ENTREP2: variants seen among roughly 807,000 people sequenced by gnomAD.
ENTREP2 encodes protein ENTREP2.
the ENTREP2 span, among the ~76,000 whole-genome samples, chr15:29,189,783 T>A: frequency 3.9e-5 from 6 of 152,326 alleles, no homozygotes; most frequent in Admixed American, 2.0e-4. Context: ...TGTCACAGTC[T>A]TGCGCTGGGT....
At chr15:29,431,971 A>G in the ENTREP2 span, among the ~76,000 whole-genome samples, 3 of 152,184 alleles carry the variant, frequency 2.0e-5, no homozygotes, top group Non-Finnish European at 4.4e-5. Flanking sequence ...TGAACAGGCT[A>G]TTTTGATAGT....
the ENTREP2 span, among the ~76,000 whole-genome samples, chr15:29,446,085 T>C: frequency 6.6e-6 from 1 of 152,202 alleles, no homozygotes; most frequent in Non-Finnish European, 1.5e-5. Flanking sequence ...AGAGAGCTAG[T>C]TCGCCCCTTC....
At chr15:29,564,862 G>A in the ENTREP2 span, among the ~76,000 whole-genome samples, 8 of 152,238 alleles carry the variant, frequency 5.3e-5, no homozygotes, top group East Asian at 1.2e-3. Flanking sequence ...TATCCTCTTT[G>A]AGCTTTATCT....
At chr15:29,259,622 T>G in the ENTREP2 span, among the ~76,000 whole-genome samples, 2 of 152,072 alleles carry the variant, frequency 1.3e-5, no homozygotes, top group Non-Finnish European at 2.9e-5. Flanking sequence ...CTTCCTTGAC[T>G]TTACTAACCA....
chr15:29,137,523 C>A, the ENTREP2 span, among the ~76,000 whole-genome samples: 2 of 152,130 alleles, frequency 1.3e-5, no homozygotes, highest in East Asian at 3.9e-4. Flanking sequence ...CGGAAGGCTG[C>A]CTGACGTGCG....
At chr15:29,400,282 T>C in the ENTREP2 span, among the ~76,000 whole-genome samples, 8 of 152,224 alleles carry the variant, frequency 5.3e-5, no homozygotes, top group Non-Finnish European at 1.0e-4. Flanking sequence ...GAGAATACAA[T>C]TAAAAATTCC....
chr15:29,269,796 G>GA, the ENTREP2 span: 1 of 1,247,724 alleles, frequency 8.0e-7, no homozygotes, highest in Non-Finnish European at 1.1e-6. Flanking sequence ...CCGGTGCCTG[G>GA]AGGCGCGCGC....
chr15:29,439,587 T>TA, the ENTREP2 span, among the ~76,000 whole-genome samples: 1 of 152,050 alleles, frequency 6.6e-6, no homozygotes, highest in African/African-American at 2.4e-5. Context: ...AACACCAGGG[T>TA]GATTGCTGCT....
At chr15:29,406,270 A>G in the ENTREP2 span, among the ~76,000 whole-genome samples, 1 of 152,226 alleles carries the variant, frequency 6.6e-6, no homozygotes, top group Non-Finnish European at 1.5e-5. Flanking sequence ...CAAGCTTATG[A>G]AAAGATAAAC....
the ENTREP2 span, among the ~76,000 whole-genome samples, chr15:29,527,306 C>A: frequency 9.3e-4 from 142 of 152,250 alleles, no homozygotes; most frequent in African/African-American, 3.3e-3. Context: ...TCTGTGAGAT[C>A]TAAGTAGATG....
the ENTREP2 span, among the ~76,000 whole-genome samples, chr15:29,528,324 A>G: frequency 3.0e-3 from 458 of 151,496 alleles, 4 homozygotes; most frequent in Middle Eastern, 6.8e-3. Flanking sequence ...TACAGTCTCA[A>G]TGTTAAAGGC....
At chr15:29,517,639 A>C in the ENTREP2 span, among the ~76,000 whole-genome samples, 30 of 152,100 alleles carry the variant, frequency 2.0e-4, no homozygotes, top group Admixed American at 1.9e-3. Context: ...TTTATCCTGA[A>C]AGTAAAATGT....
chr15:29,227,068 C>T, the ENTREP2 span, among the ~76,000 whole-genome samples: 6 of 152,178 alleles, frequency 3.9e-5, no homozygotes, highest in African/African-American at 1.4e-4. Flanking sequence ...GCCACAGCCC[C>T]GTGCTGGACA....
chr15:29,328,508 T>C, the ENTREP2 span, among the ~76,000 whole-genome samples: 3 of 152,252 alleles, frequency 2.0e-5, no homozygotes, highest in Non-Finnish European at 4.4e-5. Context: ...ACAACCTCAC[T>C]GAAAGGGGTT....
At chr15:29,670,573 G>A in the ENTREP2 span, among the ~76,000 whole-genome samples, 1 of 152,216 alleles carries the variant, frequency 6.6e-6, no homozygotes, top group East Asian at 1.9e-4. Context: ...CTTCTGGGAT[G>A]AGAAAAGCCA....
At chr15:29,561,038 C>T in the ENTREP2 span, among the ~76,000 whole-genome samples, 3 of 2,686 alleles carry the variant, frequency 1.1e-3, no homozygotes, top group African/African-American at 0.017. Context: ...CAAGTCTAAA[C>T]CACAATGAGA....
At chr15:29,327,510 GC>G in the ENTREP2 span, among the ~76,000 whole-genome samples, 1 of 151,680 alleles carries the variant, frequency 6.6e-6, no homozygotes, top group South Asian at 2.1e-4. Context: ...CAGGAGAATG[GC>G]GTGAACCCGG....
At chr15:29,512,501 C>T in the ENTREP2 span, among the ~76,000 whole-genome samples, 1 of 152,166 alleles carries the variant, frequency 6.6e-6, no homozygotes, top group Non-Finnish European at 1.5e-5. Flanking sequence ...GAGGCACTAA[C>T]CCCAATGGGA....
At chr15:29,221,782 T>C in the ENTREP2 span, among the ~76,000 whole-genome samples, 1 of 152,054 alleles carries the variant, frequency 6.6e-6, no homozygotes. Flanking sequence ...CTAAAGAGAA[T>C]CGTGCTGGGT....
Sources: allele counts gnomAD v4.1 joint callset (sites outside exome capture counted in the v4.1 genomes callset), GRCh38; gene constraint gnomAD v4.1.1; transcripts MANE v1.5; gene names NCBI Gene and HGNC (gene_info 2026-07-23, HGNC 2026-07-21).